The following ARHGAP18 variants were observed in gnomAD, a reference collection of about 807,000 sequenced individuals.
The protein encoded by ARHGAP18 is Rho GTPase activating protein 18.
Under a neutral mutation model 86.2 loss-of-function variants are expected in ARHGAP18, and 67 were observed. The ratio of observed to expected loss-of-function variants is 0.78; its 90% confidence interval spans 0.64 to 0.95. The LOEUF is 0.95. ARHGAP18 is among the 40% of genes least tolerant of loss of function. The pLI is 0.00. For missense variants in ARHGAP18, 691 were observed against 780.4 expected (o/e 0.89, Z 1.37); for synonymous variants, 283 against 280.4 (o/e 1.01, Z -0.09).
Position 129,710,042 on chromosome 6 carries a change from C to T in ARHGAP18, c.95G>A (p.Gly32Glu), listed in dbSNP as rs1317069414. The stretch of plus-strand genomic sequence containing the variant: ...GGCTTACCTCGAGGTGGCTTCCTCC[C>T]CTGCCTTTGCATGGCTGTTCCCGAC... ...QTVGNSHAKA[G>E]EEATSSRRYG... The change falls in exon 1 of 15, where the codon GGG becomes GAG. Residue 32 changes from glycine (G) to glutamate (E), a missense_variant. Gly to Glu is a moderately conservative substitution (Grantham distance 98). Coordinates refer to ENST00000368149, the MANE Select transcript of ARHGAP18 (RefSeq NM_033515.3). 6.2e-7 allele frequency: 1 copy of T among 1,614,058 alleles called. No individual in the cohort carries two copies. Among genetic ancestry groups the T allele is most frequent in the Non-Finnish European group, 8.5e-7 (1 of 1,179,898 alleles).
rs564898959 is a variant in ARHGAP18 at position 129,602,067 on chromosome 6, G to C, written c.1366-1219C>G. Among the ~76,000 whole-genome samples the C allele has an allele frequency of 6.8e-4, 104 of 152,210 alleles. 1 individual carries two copies. The highest frequency in any genetic ancestry group is 7.5e-4 in the Non-Finnish European group (51 of 68,024). ...AAACTACCTTCTCCAAAAGGCAAAT[G>C]CAGCTGAGGTCACCCTACTCTAACA... is the stretch of plus-strand genomic sequence containing the variant. On this transcript the variant is annotated intron_variant, in intron 10 of 14. Coordinates refer to ENST00000368149, the MANE Select transcript of ARHGAP18 (RefSeq NM_033515.3).
chr6:129,589,295 T>C (rs544883220), intron 12 of ARHGAP18, among the ~76,000 whole-genome samples: 1 of 152,316 alleles, frequency 6.6e-6, no homozygotes, highest in East Asian at 1.9e-4. Context: ...AGAAATTTCT[T>C]CCACCAGATA....
rs1292911135 is a variant in ARHGAP18, at chr6:129,577,731, G to T, written c.*782C>A. ...TCCATTTAGAAGAGTACAGTAGACAGAAAGTGCTTTGGCTTTCACTCTCTT... is the reference window on the plus strand; with the variant it reads ...TCCATTTAGAAGAGTACAGTAGACATAAAGTGCTTTGGCTTTCACTCTCTT... On this transcript the variant is annotated 3_prime_UTR_variant, in exon 15 of 15. Coordinates refer to ENST00000368149, the MANE Select transcript of ARHGAP18 (RefSeq NM_033515.3). The T allele has an allele frequency of 1.3e-5, 2 of 152,148 alleles. No homozygotes were observed. The highest frequency in any genetic ancestry group is 3.8e-4 in the East Asian group (2 of 5,202). The allele number at this position is 152,148 out of a possible 1,614,324, so 9.4% of individuals were successfully genotyped here.
At chr6:129,604,326 G>A (rs1475067529) in intron 10 of ARHGAP18, among the ~76,000 whole-genome samples, 1 of 151,820 alleles carries the variant, frequency 6.6e-6, no homozygotes, top group African/African-American at 2.4e-5. Flanking sequence ...GGGACTTTGA[G>A]GGCAAAGCCC....
intron 1 of ARHGAP18, among the ~76,000 whole-genome samples, chr6:129,674,295 T>A (rs369007809): frequency 6.6e-6 from 1 of 152,236 alleles, no homozygotes; most frequent in Non-Finnish European, 1.5e-5. Context: ...AAATCTTGAA[T>A]GTCACTTAAT....
chr6:129,577,154 G>A lies in ARHGAP18; in HGVS notation c.*1359C>T, dbSNP rs528958448. 6 of 152,062 alleles carry A rather than the reference G, an allele frequency of 3.9e-5. No homozygotes were observed. Among genetic ancestry groups the A allele is most frequent in the Non-Finnish European group, 7.4e-5 (5 of 67,944 alleles). The allele number at this position is 152,062 out of a possible 1,614,324, so 9.4% of individuals were successfully genotyped here. A position where few individuals can be genotyped will look rare whatever the true frequency, so the allele number is the denominator to read the frequency against. ...CTTTTAAATAAAAAAGCAATGGCAC[G>A]AATCACCACAAAATCATTTAAGTGA... On this transcript the variant is annotated 3_prime_UTR_variant, in exon 15 of 15. Coordinates refer to ENST00000368149, the MANE Select transcript of ARHGAP18 (RefSeq NM_033515.3).
At chr6:129,687,259 G>A (rs969550762) in intron 1 of ARHGAP18, among the ~76,000 whole-genome samples, 1 of 152,110 alleles carries the variant, frequency 6.6e-6, no homozygotes, top group Admixed American at 6.5e-5. Context: ...GGGTCTCAGA[G>A]AAGTTGTAAG....
chr6:129,680,452 C>T (rs941131606), intron 1 of ARHGAP18, among the ~76,000 whole-genome samples: 1 of 152,108 alleles, frequency 6.6e-6, no homozygotes, highest in African/African-American at 2.4e-5. Flanking sequence ...AATATTATAC[C>T]TCTTTTCTCC....
In ARHGAP18 at chr6:129,600,783, A is replaced by T. The variant is rs1231617308; in HGVS notation, c.1431T>A (p.Asn477Lys). The T allele has an allele frequency of 1.9e-6, 3 of 1,613,636 alleles. No homozygotes were observed. The Admixed American group carries it at 5.0e-5, about 27-fold the overall frequency. ...GATTCGGGGCCATGACCATTGCTACATTCATGACTGTCATTTTATTTTTTT... is the reference window on the plus strand; with the variant it reads ...GATTCGGGGCCATGACCATTGCTACTTTCATGACTGTCATTTTATTTTTTT... ...NKEKNKMTVM[N>K]VAMVMAPNLF... Residue 477 changes from asparagine (N) to lysine (K), a missense_variant, in exon 11 of 15, where the codon AAT becomes AAA. Coordinates refer to ENST00000368149, the MANE Select transcript of ARHGAP18 (RefSeq NM_033515.3).
chr6:129,683,868 G>T (rs1372853824), intron 1 of ARHGAP18, among the ~76,000 whole-genome samples: 3 of 152,188 alleles, frequency 2.0e-5, no homozygotes, highest in Non-Finnish European at 4.4e-5. Flanking sequence ...AACCACGGCG[G>T]GGGGGAGTTC....
intron 1 of ARHGAP18, among the ~76,000 whole-genome samples, chr6:129,652,628 C>T (rs917235042): frequency 4.9e-4 from 74 of 152,282 alleles, no homozygotes; most frequent in African/African-American, 2.6e-4. Context: ...GATAAATTTA[C>T]GCCAAGATAC....
At chr6:129,625,582 A>ATATTTATATATTATATCT (rs1789401157) in intron 5 of ARHGAP18, among the ~76,000 whole-genome samples, 1 of 69,622 alleles carries the variant, frequency 1.4e-5, no homozygotes, top group South Asian at 4.2e-4. Context: ...TATACATTAT[A>ATATTTATATATTATATCT]TATTATATAT....
intron 5 of ARHGAP18, among the ~76,000 whole-genome samples, chr6:129,625,299 G>T (rs1470529582): frequency 2.9e-5 from 2 of 70,066 alleles, no homozygotes; most frequent in African/African-American, 5.8e-5. Context: ...TATGATATAT[G>T]ATATATATTT....
In ARHGAP18 at chr6:129,642,072, A is replaced by G. The variant is rs1584081029; in HGVS notation, c.114-54T>C. On this transcript the variant is annotated intron_variant, in intron 1 of 14. Coordinates refer to ENST00000368149, the MANE Select transcript of ARHGAP18 (RefSeq NM_033515.3). ...TTTTAGTACAAAAGGAAGCAGTATA[A>G]TTTCTAAGACATCACAGCAACAAGC... 3 of 1,520,166 alleles carry G rather than the reference A, an allele frequency of 2.0e-6. No homozygotes were observed. In the East Asian group the frequency reaches 6.8e-5, roughly 34 times the overall value. 94.2% of individuals were successfully genotyped at this position (1,520,166 alleles called of 1,614,324 possible).
chr6:129,659,986 T>TG (rs35085962), intron 1 of ARHGAP18, among the ~76,000 whole-genome samples: 9,463 of 152,104 alleles, frequency 0.062, 440 homozygotes, highest in Middle Eastern at 0.13. Flanking sequence ...GCATGGACAG[T>TG]GGGTTTAGAG....
chr6:129,641,704 C>CT, intron 2 of ARHGAP18, 112 bp downstream of exon 2: 4 of 991,166 alleles, frequency 4.0e-6, no homozygotes, highest in South Asian at 1.7e-5. Flanking sequence ...AAGGCAGTAT[C>CT]TTTTTTTGGT....
intron 3 of ARHGAP18, among the ~76,000 whole-genome samples, chr6:129,637,157 A>C (rs1773351317): frequency 6.6e-6 from 1 of 151,674 alleles, no homozygotes; most frequent in African/African-American, 2.4e-5. Flanking sequence ...CTCGACCTCC[A>C]GGGCTCAAGC....
At chr6:129,663,970 T>C (rs1287683784) in intron 1 of ARHGAP18, among the ~76,000 whole-genome samples, 1 of 152,268 alleles carries the variant, frequency 6.6e-6, no homozygotes, top group Non-Finnish European at 1.5e-5. Context: ...GTTTTTTTCT[T>C]GTAACATGTT....
intron 1 of ARHGAP18, among the ~76,000 whole-genome samples, chr6:129,701,912 T>C (rs1774717184): frequency 6.6e-6 from 1 of 152,120 alleles, no homozygotes; most frequent in Non-Finnish European, 1.5e-5. Context: ...ATGATGAGAT[T>C]AGAAAGCCAG....
Sources: gnomAD v4.1 joint callset for allele counts (sites outside exome capture counted in the v4.1 genomes callset) on GRCh38, gnomAD v4.1.1 for gene constraint, MANE v1.5 for transcripts, NCBI Gene and HGNC (gene_info 2026-07-23, HGNC 2026-07-21) for gene names.